CWC25: variants seen among roughly 807,000 people sequenced by gnomAD.
The protein encoded by CWC25 is pre-mRNA-splicing factor CWC25 homolog.
In CWC25, 31 loss-of-function variants were observed where a neutral mutation model predicts 54.6. The ratio of observed to expected loss-of-function variants is 0.57; its 90% CI spans 0.43 to 0.77. CWC25 has a LOEUF of 0.77. CWC25 is among the 30% of genes least tolerant of loss of function. The pLI is 0.00. For missense variants in CWC25, 453 were observed against 529.3 expected (o/e 0.86, Z 1.41); for synonymous variants, 151 against 187.0 (o/e 0.81, Z 1.57).
chr17:38,811,312 T>C (rs996414369), intron 4 of CWC25, among the ~76,000 whole-genome samples: 7 of 149,784 alleles, frequency 4.7e-5, no homozygotes, highest in Non-Finnish European at 2.9e-5. Flanking sequence ...GGCGGGTGGA[T>C]CACAAGGTCA....
intron 6 of CWC25, among the ~76,000 whole-genome samples, chr17:38,808,502 C>G (rs1342603121): frequency 7.6e-6 from 1 of 131,516 alleles, no homozygotes; most frequent in Non-Finnish European, 1.7e-5. Flanking sequence ...AATATGAGGC[C>G]AGGCATGGTG....
chr17:38,806,971 C>G lies in CWC25; in HGVS notation c.696G>C (p.Arg232=). ...SKVPGYGLQV[R]NSDRNQGLQG... ...GAAGACCCTGGTTACGGTCAGAGTT[C>G]CGGACCTACATCATTAAGGAAAAGA... The change falls in exon 7 of 10, where the codon CGG becomes CGC. Residue 232 remains arginine, a synonymous_variant. Coordinates refer to ENST00000614790, the MANE Select transcript of CWC25 (RefSeq NM_017748.5). The G allele has an allele frequency of 3.1e-6, 5 of 1,608,558 alleles. No individual in the cohort carries two copies. The highest frequency in any genetic ancestry group is 4.2e-6 in the Non-Finnish European group (5 of 1,177,964).
chr17:38,824,622 G>A (rs984041385), intron 1 of CWC25, among the ~76,000 whole-genome samples: 1 of 151,660 alleles, frequency 6.6e-6, no homozygotes, highest in Non-Finnish European at 1.5e-5. Flanking sequence ...GGAGGGAAAG[G>A]TTGCGGTCAG....
intron 1 of CWC25, among the ~76,000 whole-genome samples, chr17:38,823,477 A>G (rs1912013112): frequency 6.6e-6 from 1 of 151,926 alleles, no homozygotes; most frequent in Admixed American, 6.6e-5. Flanking sequence ...CTTAAAAAAA[A>G]AAAAAGAAAA....
chr17:38,813,034 G>A (rs1160514330), intron 3 of CWC25, among the ~76,000 whole-genome samples, 170 bp from the exon 4 acceptor site: 2 of 151,818 alleles, frequency 1.3e-5, no homozygotes, highest in African/African-American at 4.8e-5. Flanking sequence ...GAGGAGAATC[G>A]CTCCCAGCTA....
At position 38,825,294 on chromosome 17, in the gene CWC25, C is replaced by T. The variant is rs866885778; in HGVS notation, c.-111G>A. On this transcript the variant is annotated 5_prime_UTR_variant, in exon 1 of 10. Transcript: ENST00000614790. ...CCTCGCGGGATCTAGTCCCAGGAGC[C>T]GTCAACTGCCAGTTTCACCACCGCT... 74 of 1,156,378 alleles carry T rather than the reference C, an allele frequency of 6.4e-5. No homozygotes were observed. Among genetic ancestry groups the T allele is most frequent in the Admixed American group, 1.9e-4 (7 of 37,032 alleles). The allele number at this position is 1,156,378 out of a possible 1,614,324, so 71.6% of individuals were successfully genotyped here.
chr17:38,821,177 G>T, intron 1 of CWC25, 104 bp from the exon 2 acceptor site: 1 of 1,117,348 alleles, frequency 8.9e-7, no homozygotes, highest in Non-Finnish European at 1.3e-6. Flanking sequence ...GCAGGCGTGT[G>T]AGGGCAAGAT....
rs916817570 is a variant in CWC25, at chr17:38,800,728, G to A, written c.*1364C>T. On this transcript the variant is annotated 3_prime_UTR_variant, in exon 10 of 10. Transcript: ENST00000614790. The stretch of plus-strand genomic sequence containing the variant: ...GGTCAAATGAGGGCTTCTGGTGAAA[G>A]AATAGAGAAGGGAAAAGGAGTAAAG... 10 of 152,188 alleles carry A rather than the reference G, an allele frequency of 6.6e-5. No homozygotes were observed. The highest frequency in any genetic ancestry group is 1.3e-4 in the Non-Finnish European group (9 of 68,030). The allele number at this position is 152,188 out of a possible 1,614,324, so 9.4% of individuals were successfully genotyped here. A position where few individuals can be genotyped will look rare whatever the true frequency, so the allele number is the denominator to read the frequency against.
intron 6 of CWC25, among the ~76,000 whole-genome samples, chr17:38,809,447 A>G (rs1468271905): frequency 6.6e-6 from 1 of 152,094 alleles, no homozygotes; most frequent in Non-Finnish European, 1.5e-5. Flanking sequence ...AAAAACAAAA[A>G]AACCTATACA....
intron 7 of CWC25, 115 bp downstream of exon 7, chr17:38,806,650 A>G: frequency 9.9e-7 from 1 of 1,006,714 alleles, no homozygotes; most frequent in African/African-American, 1.6e-5. Flanking sequence ...GGAAATACCA[A>G]AGCAAAGACA....
Position 38,820,936 on chromosome 17 carries a change from C to T in CWC25, c.156G>A (p.Glu52=), listed in dbSNP as rs1911898027. The T allele has an allele frequency of 5.6e-6, 9 of 1,613,842 alleles. No individual in the cohort carries two copies. Among genetic ancestry groups the T allele is most frequent in the Non-Finnish European group, 7.6e-6 (9 of 1,179,836 alleles). ...CAACATCCTCCGCATAGCGCTGCAT[C>T]TCTTCCCGGGCTCTCTCTTCTCGCA... ...RELREERARE[E]MQRYAEDVGA... is the part of the protein sequence containing the mutation. Residue 52 remains glutamate, a synonymous_variant, in exon 2 of 10, where the codon GAG becomes GAA. Transcript: ENST00000614790.
chr17:38,825,251 G>C lies in CWC25; in HGVS notation c.-68C>G. On this transcript the variant is annotated 5_prime_UTR_variant, in exon 1 of 10. Coordinates refer to ENST00000614790, the MANE Select transcript of CWC25 (RefSeq NM_017748.5). ...CGGGAGGATCAAGAGAAAACGTAGA[G>C]AAATAGTTCGGGGGCTACCTCGCGG... 4.0e-6 allele frequency: 6 copies of C among 1,517,868 alleles called. No individual in the cohort carries two copies. The highest frequency in any genetic ancestry group is 5.3e-6 in the Non-Finnish European group (6 of 1,122,772). 94.0% of individuals were successfully genotyped at this position (1,517,868 alleles called of 1,614,324 possible).
rs139189793 is a variant in CWC25 at position 38,802,749 on chromosome 17, G to A, written c.1114C>T (p.Arg372Trp). The A allele has an allele frequency of 0.011, 17,932 of 1,613,936 alleles. 121 individuals are homozygous for A. The highest frequency in any genetic ancestry group is 0.013 in the Non-Finnish European group (15,156 of 1,179,858). Residue 372 changes from arginine to tryptophan, a missense_variant, in exon 9 of 10, where the codon CGG (arginine) becomes TGG (tryptophan). Around this residue, in one of 2 missense-constraint regions of CWC25, gnomAD observed 444 missense variants for 499.2 expected, o/e 0.89. Coordinates refer to ENST00000614790, the MANE Select transcript of CWC25 (RefSeq NM_017748.5). ...ILKRHAKDEE[R>W]EQRLEKLDSR... The stretch of plus-strand genomic sequence containing the variant: ...TCCAGCTTCTCTAGCCTCTGCTCCC[G>A]TTCCTCATCCTTAGCATGCCTCTTG...
chr17:38,802,059 A>C lies in CWC25; in HGVS notation c.*33T>G, dbSNP rs745423670. The C allele has an allele frequency of 2.1e-6, 3 of 1,403,366 alleles. No individual in the cohort carries two copies. Among genetic ancestry groups the C allele is most frequent in the Non-Finnish European group, 2.0e-6 (2 of 992,814 alleles). 86.9% of individuals were successfully genotyped at this position (1,403,366 alleles called of 1,614,324 possible). ...AAGGGGTCAGCAGCTTCCCTGGAAAATGCAGGAAAACCAATAAGAGAGGGG... is the reference window on the plus strand; with the variant it reads ...AAGGGGTCAGCAGCTTCCCTGGAAACTGCAGGAAAACCAATAAGAGAGGGG... On this transcript the variant is annotated 3_prime_UTR_variant, in exon 10 of 10. Coordinates refer to ENST00000614790, the MANE Select transcript of CWC25 (RefSeq NM_017748.5).
chr17:38,823,631 C>T (rs1322549893), intron 1 of CWC25, among the ~76,000 whole-genome samples: 1 of 152,132 alleles, frequency 6.6e-6, no homozygotes, highest in African/African-American at 2.4e-5. Context: ...CTCTCCCCTT[C>T]GTCAGGTCAT....
At position 38,806,794 on chromosome 17, in the gene CWC25, T is replaced by TTTGCCCAGGGATCGAGACCTC; in HGVS notation, c.872_873insGAGGTCTCGATCCCTGGGCAA (p.Ser295_Pro296insLeuGlyLysArgSerArgSer). On this transcript the variant is annotated inframe_insertion, in exon 7 of 10. Transcript: ENST00000614790. ...TGCTGGGTCTTGGGGACCGTGACCT[T>TTTGCCCAGGGATCGAGACCTC]CTGCCCAGGGATCGAGACCTCCTGT... The TTTGCCCAGGGATCGAGACCTC allele has an allele frequency of 6.2e-7, 1 of 1,606,570 alleles. No homozygotes were observed. Among genetic ancestry groups the TTTGCCCAGGGATCGAGACCTC allele is most frequent in the South Asian group, 1.1e-5 (1 of 90,392 alleles).
chr17:38,820,165 G>A (rs1035636208), intron 2 of CWC25, among the ~76,000 whole-genome samples: 8 of 152,148 alleles, frequency 5.3e-5, no homozygotes, highest in African/African-American at 1.7e-4. Flanking sequence ...AAACTCCTGG[G>A]CTCAAGTGAT....
chr17:38,807,260 T>C, intron 6 of CWC25, among the ~76,000 whole-genome samples: 1 of 131,718 alleles, frequency 7.6e-6, no homozygotes, highest in African/African-American at 2.8e-5. Context: ...GAGGTGGAGG[T>C]TGCAGTGAGC....
At chr17:38,806,677 G>T in intron 7 of CWC25, 88 bp downstream of exon 7, 1 of 1,173,206 alleles carries the variant, frequency 8.5e-7, no homozygotes, top group Non-Finnish European at 1.2e-6. Context: ...AAAGTCAATG[G>T]ACGGACATCA....
Sources: gnomAD v4.1 joint callset for allele counts (sites outside exome capture counted in the v4.1 genomes callset) on GRCh38, gnomAD v4.1.1 for gene constraint, gnomAD v4.1.1 regional missense constraint, MANE v1.5 for transcripts, NCBI Gene and HGNC (gene_info 2026-07-23, HGNC 2026-07-21) for gene names.